The following TIAM2 variants were observed in gnomAD, a reference collection of about 807,000 sequenced individuals.
TIAM2 encodes TIAM Rac1 associated GEF 2, also known as rho guanine nucleotide exchange factor TIAM2.
Under a neutral mutation model 152.9 loss-of-function variants are expected in TIAM2, and 80 were observed. The observed-to-expected ratio is 0.52, with a 90% CI of 0.44 to 0.63. The LOEUF is 0.63. TIAM2 is among the 30% of genes least tolerant of loss of function. The pLI, the probability that TIAM2 is intolerant of heterozygous loss-of-function variation, is 0.00. For missense variants in TIAM2, 1,965 were observed against 2,120.1 expected (o/e 0.93, Z 1.44); for synonymous variants, 804 against 838.0 (o/e 0.96, Z 0.70).
chr6:155,026,193 T>C (rs912777819), intron 1 of TIAM2, among the ~76,000 whole-genome samples: 1 of 152,176 alleles, frequency 6.6e-6, no homozygotes, highest in Admixed American at 6.6e-5. Flanking sequence ...GAACTTCTAA[T>C]GAGAGGAATA....
chr6:155,108,930 C>T (rs1778762494), intron 2 of TIAM2, among the ~76,000 whole-genome samples: 1 of 151,966 alleles, frequency 6.6e-6, no homozygotes, highest in Non-Finnish European at 1.5e-5. Flanking sequence ...TGTAAGATTC[C>T]CTTATGTGAT....
chr6:155,143,812 G>C (rs920481878), intron 5 of TIAM2, among the ~76,000 whole-genome samples: 1 of 151,848 alleles, frequency 6.6e-6, no homozygotes, highest in Non-Finnish European at 1.5e-5. Context: ...CGATCTCTCA[G>C]TTTTCTCATT....
intron 2 of TIAM2, among the ~76,000 whole-genome samples, chr6:155,097,339 G>A (rs1778437288): frequency 6.6e-6 from 1 of 151,896 alleles, no homozygotes; most frequent in Non-Finnish European, 1.5e-5. Context: ...TCTGTGCAGA[G>A]CTTTTTATTT....
chr6:155,092,685 G>A lies in TIAM2; in HGVS notation c.-118+2306G>A, dbSNP rs189576260. Among the ~76,000 whole-genome samples, 460 of 151,868 alleles carry A rather than the reference G, an allele frequency of 3.0e-3. 2 individuals are homozygous for A. The highest frequency in any genetic ancestry group is 0.01 in the African/African-American group (435 of 41,440). ...AGTCTGACCAACATGGAGAAACCCCGTCTCTACTAAAAATACAAAATTAGC... is the reference window on the plus strand; with the variant it reads ...AGTCTGACCAACATGGAGAAACCCCATCTCTACTAAAAATACAAAATTAGC... On this transcript the variant is annotated intron_variant, in intron 2 of 26. Transcript: ENST00000682666.
At chr6:155,157,081 G>A (rs778115018) in intron 7 of TIAM2, among the ~76,000 whole-genome samples, 16 of 151,846 alleles carry the variant, frequency 1.1e-4, no homozygotes, top group Non-Finnish European at 2.2e-4. Context: ...TGGAGGAACC[G>A]TGTCTGTTTT....
chr6:155,134,149 T>TTGTG lies in TIAM2; in HGVS notation c.1195-3018_1195-3015dup, dbSNP rs141378887. Among the ~76,000 whole-genome samples the TTGTG allele has an allele frequency of 9.2e-4, 139 of 150,452 alleles. 1 individual carries two copies. The highest frequency in any genetic ancestry group is 2.5e-3 in the Admixed American group (37 of 15,022). The stretch of plus-strand genomic sequence containing the variant: ...TGTATGGAAATGGAAATCGTATGAT[T>TTGTG]TGTGTGTGTGTGTATATATATATAT... On this transcript the variant is annotated intron_variant, in intron 4 of 26. Coordinates refer to ENST00000682666, the MANE Select transcript of TIAM2 (RefSeq NM_012454.4).
rs181806373 is a variant in TIAM2 at position 155,167,909 on chromosome 6, T to C, written c.2361+2500T>C. On this transcript the variant is annotated intron_variant, in intron 9 of 26. Transcript: ENST00000682666. ...AACTTGATAAATAACTTGCTTATTT[T>C]TTCTTAGGTGTAGACATTCTGCTAA... 3.7e-4 allele frequency among the ~76,000 whole-genome samples: 56 copies of C among 152,350 alleles called. 1 individual carries two copies. The Middle Eastern group carries it at 0.014, about 37-fold the overall frequency.
At chr6:155,001,283 C>T (rs1474117671) in intron 1 of TIAM2, among the ~76,000 whole-genome samples, 1 of 152,118 alleles carries the variant, frequency 6.6e-6, no homozygotes, top group African/African-American at 2.4e-5. Flanking sequence ...GATCCTTTAC[C>T]CAAGTTCACG....
chr6:154,995,424 G>C lies in TIAM2; in HGVS notation c.-277G>C, dbSNP rs1778195905. On this transcript the variant is annotated 5_prime_UTR_variant, in exon 1 of 27. Transcript: ENST00000682666. This position sits in a 1 kb window ranked among gnomAD's most constrained non-coding sequence, Gnocchi z 5.2. ...CCAACTCCTCCCGGCGTTCCCGCGA[G>C]GGCCACGCGCCGAGGGTAGCGGAGG... is the stretch of plus-strand genomic sequence containing the variant. 1 of 151,066 alleles carries C rather than the reference G, an allele frequency of 6.6e-6. No homozygotes were observed. The highest frequency in any genetic ancestry group is 2.1e-4 in the South Asian group (1 of 4,828). 9.4% of individuals were successfully genotyped at this position (151,066 alleles called of 1,614,324 possible). A position where few individuals can be genotyped will look rare whatever the true frequency, so the allele number is the denominator to read the frequency against.
intron 2 of TIAM2, among the ~76,000 whole-genome samples, chr6:155,096,930 G>A (rs190492676): frequency 2.0e-5 from 3 of 152,288 alleles, no homozygotes; most frequent in Admixed American, 6.5e-5. Flanking sequence ...ACTCCAAACC[G>A]TTCTCCATAG....
rs748478638 is a variant in TIAM2 at position 155,257,046 on chromosome 6, A to G, written c.5031A>G (p.Glu1677=). The change falls in exon 27 of 27, where the codon GAA becomes GAG. Residue 1677 remains glutamate, a synonymous_variant. Transcript: ENST00000682666. ...TIDLNSVLER[E]FSVQSLTSVV... The stretch of plus-strand genomic sequence containing the variant: ...ACCTAAATTCTGTTCTAGAGCGAGA[A>G]TTCAGTGTCCAGAGTTTAACATCTG... 6.2e-7 allele frequency: 1 copy of G among 1,614,192 alleles called. No homozygotes were observed. The highest frequency in any genetic ancestry group is 8.5e-7 in the Non-Finnish European group (1 of 1,180,038).
intron 5 of TIAM2, among the ~76,000 whole-genome samples, chr6:155,139,264 G>A (rs548600339): frequency 2.0e-5 from 3 of 152,320 alleles, no homozygotes; most frequent in East Asian, 1.9e-4. Flanking sequence ...TCATGCCTTC[G>A]TTACCACAAG....
chr6:155,047,696 AGAGAGAGAGC>A (rs1481038326), intron 1 of TIAM2, among the ~76,000 whole-genome samples: 3,304 of 13,658 alleles, frequency 0.24, 169 homozygotes, highest in East Asian at 0.33. Context: ...GAGGAGAGAG[AGAGAGAGAGC>A]GAGAGAGAGA....
At chr6:155,076,691 T>C (rs1395592839) in intron 1 of TIAM2, among the ~76,000 whole-genome samples, 4 of 152,164 alleles carry the variant, frequency 2.6e-5, no homozygotes, top group Non-Finnish European at 5.9e-5. Flanking sequence ...CACATCCTTT[T>C]CTTTTCTTTT....
At chr6:155,119,344 CT>C (rs1779097414) in intron 2 of TIAM2, among the ~76,000 whole-genome samples, 1 of 148,262 alleles carries the variant, frequency 6.7e-6, no homozygotes, top group Non-Finnish European at 1.5e-5. Context: ...CCTGACTCTT[CT>C]TTTCTTTTTT....
chr6:155,072,091 A>G (rs7767371), intron 1 of TIAM2, among the ~76,000 whole-genome samples: 89,392 of 151,804 alleles, frequency 0.59, 26,529 homozygotes, highest in African/African-American at 0.66. Context: ...TATGATGTGG[A>G]CTACAAGGAA....
chr6:155,047,773 C>A (rs1270446391), intron 1 of TIAM2, among the ~76,000 whole-genome samples: 1 of 148,738 alleles, frequency 6.7e-6, no homozygotes, highest in Non-Finnish European at 1.5e-5. Context: ...TGAGTGAGGA[C>A]CCCCAGGTGC....
intron 10 of TIAM2, among the ~76,000 whole-genome samples, chr6:155,178,546 C>G (rs1390921459): frequency 6.6e-6 from 1 of 152,038 alleles, no homozygotes; most frequent in East Asian, 1.9e-4. Context: ...AATTGTCCTC[C>G]TTTACTTTTT....
Position 155,196,140 on chromosome 6 carries a change from T to G in TIAM2, c.3064+12640T>G, listed in dbSNP as rs573754687. 7.2e-5 allele frequency among the ~76,000 whole-genome samples: 11 copies of G among 152,216 alleles called. No individual in the cohort carries two copies. In the South Asian group the frequency reaches 2.3e-3, roughly 32 times the overall value. On this transcript the variant is annotated intron_variant, in intron 14 of 26. Coordinates refer to ENST00000682666, the MANE Select transcript of TIAM2 (RefSeq NM_012454.4). ...AGGCGAGAGGTGAGGGGGTGGAGTC[T>G]GCTTGGGGTGGTGGCAGTGGCAGTA...
Sources: gnomAD v4.1 joint callset for allele counts (sites outside exome capture counted in the v4.1 genomes callset) on GRCh38, gnomAD v4.1.1 for gene constraint, Gnocchi (gnomAD v3.1) non-coding constraint, MANE v1.5 for transcripts, NCBI Gene and HGNC (gene_info 2026-07-23, HGNC 2026-07-21) for gene names.